Variants in TANC2 observed in about 807,000 individuals in gnomAD.
The protein encoded by TANC2 is tetratricopeptide repeat, ankyrin repeat and coiled-coil containing 2.
A neutral mutation model predicts 210.5 loss-of-function variants in TANC2; 26 were observed. The observed-to-expected ratio is 0.12, with a 90% CI of 0.09 to 0.17. The LOEUF is 0.17. TANC2 is among the 10% of genes least tolerant of loss of function. The probability of loss-of-function intolerance (pLI) is 1.00; values close to 1 mark genes in which losing one functional copy is unlikely to be tolerated. For missense variants in TANC2, 2,129 were observed against 2,608.9 expected (o/e 0.82, Z 4.01); for synonymous variants, 931 against 967.1 (o/e 0.96, Z 0.69).
intron 9 of TANC2, among the ~76,000 whole-genome samples, chr17:63,307,441 A>T (rs1171755600): frequency 6.6e-6 from 1 of 152,140 alleles, no homozygotes; most frequent in Non-Finnish European, 1.5e-5. Context: ...CCCCGATGTA[A>T]TCTAAAAATA....
chr17:63,353,084 T>A (rs1486728551), intron 13 of TANC2, among the ~76,000 whole-genome samples: 2 of 152,164 alleles, frequency 1.3e-5, no homozygotes, highest in Non-Finnish European at 2.9e-5. Context: ...CTGTCTTTTT[T>A]AAAGATTTCT....
chr17:62,986,133 G>A (rs1007289357), intron 1 of TANC2, among the ~76,000 whole-genome samples: 3 of 152,194 alleles, frequency 2.0e-5, no homozygotes, highest in Non-Finnish European at 2.9e-5. Flanking sequence ...ACTCATGCTA[G>A]TTATGTTTGC....
chr17:63,415,754 C>T (rs1377351496), intron 26 of TANC2, 80 bp downstream of exon 26: 3 of 1,525,220 alleles, frequency 2.0e-6, no homozygotes, highest in South Asian at 1.2e-5. Context: ...TTACCAGGCC[C>T]CTGAAATCCT....
Position 63,421,563 on chromosome 17 carries a change from C to A in TANC2, c.5833C>A (p.Leu1945Ile), listed in dbSNP as rs981984324. ...AGCACGGACTCAGCAGTACCCCCAC[C>A]TCCACCAGCAGAATCGGACCTGGGC... Residue 1945 changes from leucine (L) to isoleucine (I), a missense_variant, in exon 28 of 28, where the codon CTC becomes ATC. Leu to Ile is a conservative substitution (Grantham distance 5). This residue lies in a region of TANC2 where 161 missense variants were observed against 178.6 expected (regional missense o/e 0.90). Coordinates refer to ENST00000689528, the Ensembl canonical transcript of TANC2. This position sits in a 1 kb window ranked among gnomAD's most constrained non-coding sequence, Gnocchi z 6.9. 10 of 1,613,930 alleles carry A rather than the reference C, an allele frequency of 6.2e-6. No individual in the cohort carries two copies. The African/African-American group carries it at 1.2e-4, about 19-fold the overall frequency.
In TANC2 at chr17:63,130,373, G is replaced by A. The variant is rs900881582; in HGVS notation, c.323-20897G>A. On this transcript the variant is annotated intron_variant, in intron 4 of 27. Transcript: ENST00000689528. ...CTAAAAATACAAAAATTAGCTGGGC[G>A]TGGTGGTGCACACCTGTAGTCCCAG... 4.6e-5 allele frequency among the ~76,000 whole-genome samples: 7 copies of A among 152,014 alleles called. No homozygotes were observed. The South Asian group carries it at 6.2e-4, about 14-fold the overall frequency.
chr17:63,378,749 A>G (rs910319944), intron 14 of TANC2, among the ~76,000 whole-genome samples: 2 of 152,206 alleles, frequency 1.3e-5, no homozygotes, highest in Non-Finnish European at 2.9e-5. Context: ...AGTATGGCAA[A>G]CACTGTGCTA....
intron 2 of TANC2, among the ~76,000 whole-genome samples, chr17:63,044,841 A>G (rs2035318432): frequency 2.0e-5 from 3 of 152,098 alleles, no homozygotes; most frequent in African/African-American, 2.4e-5. Context: ...ACATCTTTTC[A>G]TATGTTTTAT....
intron 1 of TANC2, among the ~76,000 whole-genome samples, chr17:62,994,179 T>A (rs989932438): frequency 8.1e-5 from 12 of 148,304 alleles, no homozygotes; most frequent in Non-Finnish European, 1.6e-4. Context: ...TAAGTAGAAT[T>A]TTTTTTTTTT....
At chr17:63,290,312 A>C (rs1203728010) in intron 9 of TANC2, among the ~76,000 whole-genome samples, 10 of 152,134 alleles carry the variant, frequency 6.6e-5, no homozygotes. Flanking sequence ...GTCAGTAGCA[A>C]GTCAGGTTTT....
intron 5 of TANC2, among the ~76,000 whole-genome samples, chr17:63,155,383 AT>A (rs2039801474): frequency 6.6e-6 from 1 of 152,108 alleles, no homozygotes; most frequent in Admixed American, 6.6e-5. Flanking sequence ...ATTTTCTAAA[AT>A]TTCTACAATG....
chr17:63,195,751 G>T (rs1250524781), intron 6 of TANC2, among the ~76,000 whole-genome samples: 4 of 152,076 alleles, frequency 2.6e-5, no homozygotes, highest in African/African-American at 9.7e-5. Context: ...TGTAAAATAT[G>T]AATCCAGTTC....
intron 5 of TANC2, among the ~76,000 whole-genome samples, chr17:63,172,892 GT>G (rs1358717778): frequency 6.6e-6 from 1 of 152,160 alleles, no homozygotes; most frequent in Non-Finnish European, 1.5e-5. Flanking sequence ...TACCTTGGGG[GT>G]TAGGAGGGTA....
At chr17:63,124,403 T>G (rs1006967206) in intron 4 of TANC2, among the ~76,000 whole-genome samples, 1 of 152,134 alleles carries the variant, frequency 6.6e-6, no homozygotes, top group African/African-American at 2.4e-5. Context: ...ACCGTTTGAG[T>G]GACTAGGATC....
At chr17:63,103,108 G>C (rs1289766622) in intron 4 of TANC2, among the ~76,000 whole-genome samples, 5 of 152,066 alleles carry the variant, frequency 3.3e-5, no homozygotes, top group Non-Finnish European at 5.9e-5. Context: ...CAGCCACATA[G>C]GTTTTCCTGA....
chr17:63,033,207 T>G (rs530480869), intron 2 of TANC2, among the ~76,000 whole-genome samples: 9 of 152,264 alleles, frequency 5.9e-5, no homozygotes, highest in Non-Finnish European at 8.8e-5. Context: ...AGCTTCATTA[T>G]GTAGGCATGA....
chr17:63,298,043 A>G (rs572542700), intron 9 of TANC2, among the ~76,000 whole-genome samples: 68 of 152,276 alleles, frequency 4.5e-4, no homozygotes, highest in African/African-American at 1.5e-3. Context: ...AATAAAAACA[A>G]AAAAAACTAA....
chr17:63,105,901 C>T (rs780449219), intron 4 of TANC2, among the ~76,000 whole-genome samples: 4 of 151,538 alleles, frequency 2.6e-5, no homozygotes, highest in Non-Finnish European at 4.4e-5. Context: ...ATATAGGAGA[C>T]ATGCATGGTA....
chr17:63,291,190 TAATA>T (rs1436129378), intron 9 of TANC2, among the ~76,000 whole-genome samples: 2 of 152,210 alleles, frequency 1.3e-5, no homozygotes, highest in African/African-American at 4.8e-5. Flanking sequence ...TCTCGTTATT[TAATA>T]GTCTTCTTGT....
At chr17:63,390,189 G>A (rs1335789556) in intron 17 of TANC2, 3 of 152,446 alleles carry the variant, frequency 2.0e-5, no homozygotes, top group Admixed American at 1.3e-4. Flanking sequence ...TCTCACAAAT[G>A]TGGGCCTCTG....
Sources: allele counts gnomAD v4.1 joint callset (sites outside exome capture counted in the v4.1 genomes callset), GRCh38; gene constraint gnomAD v4.1.1; regional missense constraint gnomAD v4.1.1; non-coding constraint Gnocchi (gnomAD v3.1); transcripts MANE v1.5; gene names NCBI Gene and HGNC (gene_info 2026-07-23, HGNC 2026-07-21).